The following SUGCT variants were observed in gnomAD, a reference collection of about 807,000 sequenced individuals.
SUGCT encodes the protein succinyl-CoA:glutarate-CoA transferase.
In SUGCT, 41 loss-of-function variants were observed where a neutral mutation model predicts 55.0. That is an observed-to-expected ratio of 0.74 (90% CI 0.58 to 0.97). SUGCT has a LOEUF of 0.97. Among genes scored for constraint, SUGCT ranks in the 50% least tolerant of loss-of-function variants. The pLI, the probability that SUGCT is intolerant of heterozygous loss-of-function variation, is 0.00. For synonymous variants in SUGCT, 187 were observed against 200.4 expected (o/e 0.93, Z 0.56); for missense variants, 568 against 547.8 (o/e 1.04, Z -0.37).
At chr7:40,594,630 A>C (rs1418620835) in intron 12 of SUGCT, among the ~76,000 whole-genome samples, 1 of 152,184 alleles carries the variant, frequency 6.6e-6, no homozygotes, top group Non-Finnish European at 1.5e-5. Flanking sequence ...TCTTACCATG[A>C]ACTTCTTCCA....
chr7:40,226,857 G>A (rs1395397030), intron 6 of SUGCT, among the ~76,000 whole-genome samples: 1 of 151,870 alleles, frequency 6.6e-6, no homozygotes, highest in East Asian at 1.9e-4. Context: ...GCAGTGAGCT[G>A]AGGTCCTGCC....
At chr7:40,551,498 T>C (rs923478435) in intron 12 of SUGCT, among the ~76,000 whole-genome samples, 4 of 152,188 alleles carry the variant, frequency 2.6e-5, no homozygotes, top group Non-Finnish European at 5.9e-5. Flanking sequence ...CAGGGAAGTA[T>C]ACAATCTAAA....
rs139610533 is a variant in SUGCT at position 40,434,864 on chromosome 7, A to G, written c.817-14423A>G. On this transcript the variant is annotated intron_variant, in intron 9 of 13. Transcript: ENST00000335693. ...CATATATCAGATAGAGCCTTCCCCT[A>G]TGCTTTTTCTGATGCTGGGGTTGAC... Among the ~76,000 whole-genome samples, 31 of 152,108 alleles carry G rather than the reference A, an allele frequency of 2.0e-4. No individual in the cohort carries two copies. In the East Asian group the frequency reaches 2.7e-3, roughly 13 times the overall value.
chr7:40,584,232 A>C (rs754366729), intron 12 of SUGCT, among the ~76,000 whole-genome samples: 1 of 152,212 alleles, frequency 6.6e-6, no homozygotes, highest in Non-Finnish European at 1.5e-5. Context: ...TCATGCAAAC[A>C]TCTTGGAGTG....
chr7:40,224,276 A>G (rs1443734589), intron 6 of SUGCT, among the ~76,000 whole-genome samples: 3 of 152,172 alleles, frequency 2.0e-5, no homozygotes, highest in Non-Finnish European at 2.9e-5. Context: ...CCATGAAAAT[A>G]TATTTAAATT....
At chr7:40,353,047 A>G (rs762466958) in intron 9 of SUGCT, among the ~76,000 whole-genome samples, 1 of 152,010 alleles carries the variant, frequency 6.6e-6, no homozygotes, top group African/African-American at 2.4e-5. Context: ...GCACTTTTTC[A>G]TATGCTTGTT....
At chr7:40,657,368 A>G (rs1369382460) in intron 12 of SUGCT, among the ~76,000 whole-genome samples, 2 of 152,160 alleles carry the variant, frequency 1.3e-5, no homozygotes, top group Admixed American at 6.5e-5. Context: ...GAGATTGACA[A>G]TAATGTCAAT....
rs1453709632 is a variant in SUGCT at position 40,397,673 on chromosome 7, T to G, written c.817-51614T>G. Reference sequence around the variant, plus strand: ...ATTGTACCTATGTTTGAATACGTAATACAATATGTTAAGTAGGTGAATGAA... The same window carrying G: ...ATTGTACCTATGTTTGAATACGTAAGACAATATGTTAAGTAGGTGAATGAA... On this transcript the variant is annotated intron_variant, in intron 9 of 13. Transcript: ENST00000335693. Among the ~76,000 whole-genome samples the G allele has an allele frequency of 2.6e-5, 4 of 152,286 alleles. No individual in the cohort carries two copies. In the East Asian group the frequency reaches 7.7e-4, roughly 29 times the overall value.
intron 7 of SUGCT, among the ~76,000 whole-genome samples, chr7:40,249,344 T>TATATATATATATATAA (rs1172651937): frequency 5.5e-5 from 7 of 128,124 alleles, no homozygotes; most frequent in African/African-American, 2.0e-4. Flanking sequence ...TATATATATA[T>TATATATATATATATAA]ATAATTATAT....
chr7:41,018,332 G>C, the SUGCT span, among the ~76,000 whole-genome samples: 1 of 152,144 alleles, frequency 6.6e-6, no homozygotes, highest in African/African-American at 2.4e-5. Context: ...AGATCATGGT[G>C]CCTCTCACTG....
At chr7:41,018,113 C>A in the SUGCT span, among the ~76,000 whole-genome samples, 1 of 151,970 alleles carries the variant, frequency 6.6e-6, no homozygotes, top group Admixed American at 6.6e-5. Context: ...ATCTTTGGTC[C>A]AGCTCAAGAG....
At chr7:40,332,118 A>C (rs1796343146) in intron 9 of SUGCT, among the ~76,000 whole-genome samples, 2 of 152,188 alleles carry the variant, frequency 1.3e-5, no homozygotes, top group Admixed American at 1.3e-4. Context: ...CTAGACTTTG[A>C]ATAGCTATGA....
the SUGCT span, among the ~76,000 whole-genome samples, chr7:40,969,681 A>G: frequency 1.3e-5 from 2 of 152,130 alleles, no homozygotes; most frequent in Non-Finnish European, 2.9e-5. Context: ...TTTAAATAGA[A>G]CTTAGAAACT....
the SUGCT span, among the ~76,000 whole-genome samples, chr7:40,912,934 G>GATCTGACT: frequency 6.6e-6 from 1 of 151,446 alleles, no homozygotes; most frequent in Non-Finnish European, 1.5e-5. Flanking sequence ...ATATACCCCT[G>GATCTGACT]ATCTGACTGC....
intron 7 of SUGCT, among the ~76,000 whole-genome samples, chr7:40,265,354 T>C (rs1019726124): frequency 6.6e-6 from 1 of 152,246 alleles, no homozygotes; most frequent in Non-Finnish European, 1.5e-5. Flanking sequence ...CATGCTTCTT[T>C]ATTGAACATA....
chr7:40,713,344 C>T (rs538395599), intron 12 of SUGCT, among the ~76,000 whole-genome samples: 11 of 152,256 alleles, frequency 7.2e-5, no homozygotes, highest in East Asian at 1.9e-4. Context: ...GCCTGGCCTC[C>T]GAGCATTTCC....
chr7:40,949,397 C>T, the SUGCT span, among the ~76,000 whole-genome samples: 4 of 151,838 alleles, frequency 2.6e-5, no homozygotes, highest in African/African-American at 9.7e-5. Flanking sequence ...TTCTCCCATT[C>T]TGTAGGTTGC....
Position 40,707,232 on chromosome 7 carries a change from C to CTTT in SUGCT, c.1090-42187_1090-42185dup, listed in dbSNP as rs75832510. The stretch of plus-strand genomic sequence containing the variant: ...AGCTAAGAAAATGCTGCAAAATCTA[C>CTTT]TTTTTTTTTTTTTTTTTAAAAAGGC... On this transcript the variant is annotated intron_variant, in intron 12 of 13. Transcript: ENST00000335693. Among the ~76,000 whole-genome samples the CTTT allele has an allele frequency of 3.2e-4, 43 of 133,008 alleles. 1 individual carries two copies. Among genetic ancestry groups the CTTT allele is most frequent in the African/African-American group, 1.2e-3 (42 of 35,902 alleles). The allele number at this position is 133,008 out of a possible 152,430, so 87.3% of individuals were successfully genotyped here.
At chr7:40,290,910 T>C (rs1406492530) in intron 8 of SUGCT, among the ~76,000 whole-genome samples, 3 of 152,250 alleles carry the variant, frequency 2.0e-5, no homozygotes, top group Admixed American at 6.5e-5. Context: ...AAAAAATGCT[T>C]GTCATTACTG....
Sources: allele counts gnomAD v4.1 joint callset (sites outside exome capture counted in the v4.1 genomes callset), GRCh38; gene constraint gnomAD v4.1.1; transcripts MANE v1.5; gene names NCBI Gene and HGNC (gene_info 2026-07-23, HGNC 2026-07-21).